The following SHROOM3 variants were observed in gnomAD, a reference collection of about 807,000 sequenced individuals.
The protein encoded by SHROOM3 is shroom family member 3, also known as protein Shroom3.
In SHROOM3, 47 loss-of-function variants were observed where a neutral mutation model predicts 138.6. The observed-to-expected ratio is 0.34, with a 90% CI of 0.27 to 0.43. The LOEUF (loss-of-function observed/expected upper bound fraction) is 0.43. Among genes scored for constraint, SHROOM3 ranks in the 20% least tolerant of loss-of-function variants. SHROOM3 has a pLI of 1.00. For missense variants in SHROOM3, 2,491 were observed against 2,596.5 expected (o/e 0.96, Z 0.88); for synonymous variants, 1,062 against 1,063.3 (o/e 1.00, Z 0.02).
At chr4:76,766,368 T>C (rs566721211) in intron 9 of SHROOM3, among the ~76,000 whole-genome samples, 1 of 152,310 alleles carries the variant, frequency 6.6e-6, no homozygotes, top group East Asian at 1.9e-4. Context: ...CCTGCCTCCT[T>C]GTCCAGTGTT....
At chr4:76,663,158 A>T (rs1435960594) in intron 2 of SHROOM3, among the ~76,000 whole-genome samples, 1 of 152,236 alleles carries the variant, frequency 6.6e-6, no homozygotes, top group Non-Finnish European at 1.5e-5. Flanking sequence ...ATGCATAGAT[A>T]GTTCCAAATC....
At chr4:76,451,103 C>T (rs1364129708) in intron 1 of SHROOM3, among the ~76,000 whole-genome samples, 1 of 152,110 alleles carries the variant, frequency 6.6e-6, no homozygotes, top group Non-Finnish European at 1.5e-5. Flanking sequence ...GCACCTGCCA[C>T]CATGCCTGGC....
intron 2 of SHROOM3, among the ~76,000 whole-genome samples, chr4:76,701,643 G>A (rs1483488017): frequency 6.6e-6 from 1 of 152,242 alleles, no homozygotes; most frequent in African/African-American, 2.4e-5. Context: ...GTCTGTTACT[G>A]TAGGCTAATG....
intron 2 of SHROOM3, among the ~76,000 whole-genome samples, chr4:76,700,537 T>C (rs1253496695): frequency 6.6e-6 from 1 of 152,184 alleles, no homozygotes; most frequent in East Asian, 1.9e-4. Context: ...TTCCCAGGAC[T>C]TATGGCGTGT....
At chr4:76,726,332 T>C (rs371995277) in intron 3 of SHROOM3, among the ~76,000 whole-genome samples, 24 of 152,206 alleles carry the variant, frequency 1.6e-4, no homozygotes, top group African/African-American at 4.6e-4. Flanking sequence ...TCATTTCCTT[T>C]GTCTCCCTGT....
intron 2 of SHROOM3, among the ~76,000 whole-genome samples, chr4:76,627,866 C>T (rs190697580): frequency 2.1e-3 from 319 of 152,130 alleles, no homozygotes; most frequent in Middle Eastern, 6.8e-3. Context: ...CTTTTATTCA[C>T]GAAGGTAATT....
chr4:76,692,066 G>A (rs1274446596), intron 2 of SHROOM3, among the ~76,000 whole-genome samples: 5 of 152,184 alleles, frequency 3.3e-5, no homozygotes, highest in Non-Finnish European at 7.4e-5. Flanking sequence ...CACTTGAACA[G>A]GAGCTGTTTC....
intron 2 of SHROOM3, among the ~76,000 whole-genome samples, chr4:76,655,278 G>A (rs17257018): frequency 6.6e-6 from 1 of 152,088 alleles, no homozygotes; most frequent in East Asian, 1.9e-4. Flanking sequence ...CTAGTCCATT[G>A]TTCTGCCTCT....
At chr4:76,732,661 A>G (rs1001910721) in intron 4 of SHROOM3, among the ~76,000 whole-genome samples, 6 of 152,174 alleles carry the variant, frequency 3.9e-5, no homozygotes, top group African/African-American at 1.4e-4. Flanking sequence ...TTTGCTTTAC[A>G]GGCATGGAGG....
chr4:76,764,261 G>T (rs1043666119), intron 9 of SHROOM3, among the ~76,000 whole-genome samples: 6 of 152,134 alleles, frequency 3.9e-5, no homozygotes, highest in Admixed American at 2.0e-4. Context: ...TAAATAATCA[G>T]AGCTGTCAAT....
chr4:76,750,063 G>A (rs1214112744), intron 6 of SHROOM3, among the ~76,000 whole-genome samples: 3 of 152,076 alleles, frequency 2.0e-5, no homozygotes, highest in Non-Finnish European at 2.9e-5. Flanking sequence ...CAGCCAACAT[G>A]GTCAGGAAGT....
intron 1 of SHROOM3, among the ~76,000 whole-genome samples, chr4:76,507,866 C>T (rs1032524469): frequency 1.3e-5 from 2 of 151,958 alleles, no homozygotes; most frequent in Admixed American, 6.6e-5. Context: ...ATCTTCTTAT[C>T]GGAAATGTCT....
intron 1 of SHROOM3, among the ~76,000 whole-genome samples, chr4:76,540,389 G>A (rs554821498): frequency 6.6e-6 from 1 of 152,220 alleles, no homozygotes; most frequent in East Asian, 1.9e-4. Context: ...CTTGTTGCAA[G>A]CCAAGTTCTA....
At chr4:76,442,570 C>T (rs1730716821) in intron 1 of SHROOM3, among the ~76,000 whole-genome samples, 1 of 151,928 alleles carries the variant, frequency 6.6e-6, no homozygotes, top group African/African-American at 2.4e-5. Context: ...CCACCACGCA[C>T]GGCTAATTTT....
intron 2 of SHROOM3, among the ~76,000 whole-genome samples, chr4:76,707,840 C>T (rs1560597461): frequency 6.6e-6 from 1 of 151,402 alleles, no homozygotes; most frequent in Non-Finnish European, 1.5e-5. Flanking sequence ...CCAGATTATT[C>T]CAGAAAGAGT....
At chr4:76,463,747 G>A (rs1346685176) in intron 1 of SHROOM3, among the ~76,000 whole-genome samples, 1 of 152,230 alleles carries the variant, frequency 6.6e-6, no homozygotes, top group Non-Finnish European at 1.5e-5. Context: ...CTCCAGCCAA[G>A]GCTAAATGGG....
intron 1 of SHROOM3, among the ~76,000 whole-genome samples, chr4:76,475,632 T>C (rs920175551): frequency 6.6e-6 from 1 of 152,228 alleles, no homozygotes; most frequent in Non-Finnish European, 1.5e-5. Context: ...ATAAAACCTG[T>C]TTCTCACATT....
chr4:76,613,977 CAAAT>C (rs1010835740), intron 2 of SHROOM3, among the ~76,000 whole-genome samples: 1 of 152,178 alleles, frequency 6.6e-6, no homozygotes, highest in Non-Finnish European at 1.5e-5. Context: ...GAAAGAAACA[CAAAT>C]GAATGAAATG....
At position 76,441,086 on chromosome 4, in the gene SHROOM3, G is replaced by GTTTTTTTTTTTTTTTTT. The variant is rs374530154; in HGVS notation, c.168+4871_168+4887dup. ...TCAGCCACAGTCCTGAGTTCAATTT[G>GTTTTTTTTTTTTTTTTT]TTTTTTTTTTTTTTTTTTTTTGAGA... On this transcript the variant is annotated intron_variant, in intron 1 of 10. Coordinates refer to ENST00000296043, the MANE Select transcript of SHROOM3 (RefSeq NM_020859.4). 7.3e-5 allele frequency among the ~76,000 whole-genome samples: 6 copies of GTTTTTTTTTTTTTTTTT among 82,182 alleles called. 1 individual carries two copies. The highest frequency in any genetic ancestry group is 2.0e-4 in the Admixed American group (1 of 5,038). The allele number at this position is 82,182 out of a possible 152,430, so 53.9% of individuals were successfully genotyped here. A position where few individuals can be genotyped will look rare whatever the true frequency, so the allele number is the denominator to read the frequency against.
Sources: gnomAD v4.1 joint callset for allele counts (sites outside exome capture counted in the v4.1 genomes callset) on GRCh38, gnomAD v4.1.1 for gene constraint, MANE v1.5 for transcripts, NCBI Gene and HGNC (gene_info 2026-07-23, HGNC 2026-07-21) for gene names.